Variants in CHD1L observed in about 807,000 individuals in gnomAD.
CHD1L encodes ATP-dependent chromatin remodeler CHD1L.
Under a neutral mutation model 115.9 loss-of-function variants are expected in CHD1L, and 118 were observed. That is an observed-to-expected ratio of 1.02 (90% confidence interval 0.88 to 1.19). The LOEUF (loss-of-function observed/expected upper bound fraction) is 1.19. Among genes scored for constraint, CHD1L ranks in the 50% most tolerant of loss-of-function variants. CHD1L has a pLI of 0.00. For synonymous variants in CHD1L, 411 were observed against 387.1 expected (o/e 1.06, Z -0.72); for missense variants, 1,179 against 1,065.3 (o/e 1.11, Z -1.49).
rs1553970441 is a variant in CHD1L at position 147,291,497 on chromosome 1, G to C, written c.2336G>C (p.Gly779Ala). The C allele has an allele frequency of 6.2e-7, 1 of 1,613,798 alleles. No homozygotes were observed. Among genetic ancestry groups the C allele is most frequent in the Non-Finnish European group, 8.5e-7 (1 of 1,179,872 alleles). The stretch of plus-strand genomic sequence containing the variant: ...TTTACCTCAGACCTGAGTTTGGGAG[G>C]TGTCCTTTTATTTCCTGTTGATGAT... ...AGKMKDLSLG[G>A]VLLFPVDDKE... Residue 779 changes from glycine (G) to alanine (A), a missense_variant, in exon 20 of 23, where the codon GGT (glycine) becomes GCT (alanine). Physicochemically the swap from Gly to Ala is moderately conservative, Grantham distance 60 (BLOSUM62 0). Transcript: ENST00000369258.
At chr1:147,293,555 TTGAGTGTGGC>T in intron 20 of CHD1L, 43 bp from the exon 21 acceptor site, 1 of 1,497,396 alleles carries the variant, frequency 6.7e-7, no homozygotes, top group Non-Finnish European at 9.3e-7. Flanking sequence ...GGTCACTTGG[TTGAGTGTGGC>T]TGTTTCATGT....
intron 7 of CHD1L, 113 bp downstream of exon 7, chr1:147,264,697 C>A: frequency 9.3e-7 from 1 of 1,077,544 alleles, no homozygotes; most frequent in Non-Finnish European, 1.3e-6. Context: ...GGACACCTTC[C>A]AGGGAGACAG....
chr1:147,242,651 G>C (rs782134362), upstream of CHD1L: 2 of 1,257,838 alleles, frequency 1.6e-6, no homozygotes, highest in Non-Finnish European at 2.0e-6. Context: ...GCGTTGGGAA[G>C]TTGGGAGGGA....
At chr1:147,224,192 G>T in the CHD1L span, 1 of 256,418 alleles carries the variant, frequency 3.9e-6, no homozygotes, top group Non-Finnish European at 7.8e-6. Context: ...GACAAAGGAG[G>T]TGTGGCTAAG....
intron 10 of CHD1L, among the ~76,000 whole-genome samples, chr1:147,270,119 GCTTGAAT>G (rs1450920386): frequency 8.5e-5 from 13 of 152,154 alleles, no homozygotes; most frequent in Non-Finnish European, 1.3e-4. Flanking sequence ...CCCATTTGGG[GCTTGAAT>G]CTTGAAAGAG....
Position 147,242,724 on chromosome 1 carries a change from T to C in CHD1L, c.21T>C (p.Thr7=), listed in dbSNP as rs587685474. The C allele has an allele frequency of 8.3e-5, 105 of 1,258,320 alleles. No homozygotes were observed. In the African/African-American group the frequency reaches 1.2e-3, roughly 15 times the overall value. 77.9% of individuals were successfully genotyped at this position (1,258,320 alleles called of 1,614,324 possible). The change falls in exon 1 of 23, where the codon ACT becomes ACC. Residue 7 remains threonine, a synonymous_variant. Coordinates refer to ENST00000369258, the MANE Select transcript of CHD1L (RefSeq NM_004284.6). ...GCCCGATGGAGCGCGCGGGCGCTAC[T>C]AGCCGCGGGGGCCAAGCCCCTGGCT... The part of the protein sequence containing the change: MERAGA[T]SRGGQAPGFL...
chr1:147,242,801 A>C lies in CHD1L; in HGVS notation c.98A>C (p.Glu33Ala). ...EGRAEAARVQ[E>A]QDLRQWGLTG... ...CGAGCCGAGGCGGCGCGGGTGCAGG[A>C]GCAGGACTTACGGCAGTGGGGGCTG... The change falls in exon 1 of 23, where the codon GAG becomes GCG. Residue 33 changes from glutamate (E) to alanine (A), a missense_variant. Transcript: ENST00000369258. 5 of 1,276,622 alleles carry C rather than the reference A, an allele frequency of 3.9e-6. No individual in the cohort carries two copies. Among genetic ancestry groups the C allele is most frequent in the Non-Finnish European group, 5.0e-6 (5 of 1,004,450 alleles). 79.1% of individuals were successfully genotyped at this position (1,276,622 alleles called of 1,614,324 possible).
the CHD1L span, among the ~76,000 whole-genome samples, chr1:147,227,252 T>C: frequency 6.6e-6 from 1 of 152,238 alleles, no homozygotes; most frequent in Non-Finnish European, 1.5e-5. Flanking sequence ...AACCATTTTA[T>C]ATGCTAGAAG....
chr1:147,285,255 G>A, intron 16 of CHD1L, 69 bp from the exon 17 acceptor site: 2 of 1,510,654 alleles, frequency 1.3e-6, no homozygotes, highest in Non-Finnish European at 1.8e-6. Context: ...CGTACAGTGT[G>A]TGTTAGGGAT....
the CHD1L span, among the ~76,000 whole-genome samples, chr1:147,202,186 G>A: frequency 6.6e-6 from 1 of 151,778 alleles, no homozygotes; most frequent in African/African-American, 2.4e-5. Flanking sequence ...GTTTCCTAGG[G>A]ACAGCGTAGG....
intron 6 of CHD1L, 111 bp downstream of exon 6, chr1:147,260,029 T>C (rs1046180006): frequency 2.0e-5 from 16 of 805,290 alleles, no homozygotes; most frequent in Non-Finnish European, 2.9e-5. Flanking sequence ...ACTACAGATG[T>C]TTCCCATGCA....
At chr1:147,182,681 TCTG>T in the CHD1L span, among the ~76,000 whole-genome samples, 1 of 152,030 alleles carries the variant, frequency 6.6e-6, no homozygotes, top group Non-Finnish European at 1.5e-5. Context: ...AGTCAACAAT[TCTG>T]CTAATAATTT....
chr1:147,242,190 T>C (rs587709593), upstream of CHD1L, among the ~76,000 whole-genome samples: 1 of 152,246 alleles, frequency 6.6e-6, no homozygotes, highest in South Asian at 2.1e-4. Context: ...ATTCAGAGGT[T>C]CCCAATTTTG....
In CHD1L at chr1:147,264,507, A is replaced by G. The variant is rs1673148166; in HGVS notation, c.662A>G (p.Glu221Gly). The G allele has an allele frequency of 1.2e-6, 2 of 1,614,016 alleles. No individual in the cohort carries two copies. The highest frequency in any genetic ancestry group is 3.3e-5 in the Admixed American group (2 of 60,006). ...CTCTACTCCCTCCTCAGTTTTGTGG[A>G]GCCTGATCTCTTTTCCAAGGAAGAG... The part of the protein sequence containing the change: ...QELYSLLSFV[E>G]PDLFSKEEVG... Residue 221 changes from glutamate (E) to glycine (G), a missense_variant, in exon 7 of 23, where the codon GAG becomes GGG. By Grantham distance (98) the Glu-to-Gly change is moderately conservative (BLOSUM62 -2). Coordinates refer to ENST00000369258, the MANE Select transcript of CHD1L (RefSeq NM_004284.6).
the CHD1L span, among the ~76,000 whole-genome samples, chr1:147,192,230 C>A: frequency 2.0e-5 from 3 of 151,976 alleles, no homozygotes; most frequent in Non-Finnish European, 4.4e-5. Flanking sequence ...CCTTCACATC[C>A]CTTGTAAGTT....
At chr1:147,274,928 A>C (rs1553956250) in intron 12 of CHD1L, among the ~76,000 whole-genome samples, 1 of 152,178 alleles carries the variant, frequency 6.6e-6, no homozygotes, top group Non-Finnish European at 1.5e-5. Context: ...CTTGCAAGCG[A>C]CATTCGGCAC....
At chr1:147,250,699 G>A (rs1324699881) in intron 1 of CHD1L, among the ~76,000 whole-genome samples, 1 of 151,992 alleles carries the variant, frequency 6.6e-6, no homozygotes, top group African/African-American at 2.4e-5. Flanking sequence ...TTTGCTGGTG[G>A]GACCACAGGT....
chr1:147,278,769 AG>A (rs1194436941), intron 14 of CHD1L, among the ~76,000 whole-genome samples: 1 of 152,174 alleles, frequency 6.6e-6, no homozygotes, highest in African/African-American at 2.4e-5. Flanking sequence ...GAATAACAGC[AG>A]GATGAGATAG....
intron 2 of CHD1L, among the ~76,000 whole-genome samples, chr1:147,253,477 C>T (rs868977787): frequency 1.3e-5 from 2 of 152,166 alleles, no homozygotes; most frequent in Non-Finnish European, 2.9e-5. Context: ...CTAACCATAA[C>T]CATGAGTTGC....
Sources: allele counts gnomAD v4.1 joint callset (sites outside exome capture counted in the v4.1 genomes callset), GRCh38; gene constraint gnomAD v4.1.1; transcripts MANE v1.5; gene names NCBI Gene and HGNC (gene_info 2026-07-23, HGNC 2026-07-21).